PRDM1: variants seen among roughly 807,000 people sequenced by gnomAD.
The protein encoded by PRDM1 is PR/SET domain 1.
In PRDM1, 13 loss-of-function variants were observed where a neutral mutation model predicts 62.8. That is an observed-to-expected ratio of 0.21 (90% CI 0.13 to 0.33). PRDM1 has a LOEUF of 0.33. Among genes scored for constraint, PRDM1 ranks in the 10% least tolerant of loss-of-function variants. The probability of loss-of-function intolerance (pLI) is 1.00; values close to 1 mark genes in which losing one functional copy is unlikely to be tolerated. For synonymous variants in PRDM1, 396 were observed against 417.6 expected (o/e 0.95, Z 0.63); for missense variants, 895 against 1,058.8 (o/e 0.85, Z 2.15).
intron 1 of PRDM1, among the ~76,000 whole-genome samples, chr6:106,040,384 G>A (rs1310552230): frequency 1.3e-5 from 2 of 152,174 alleles, no homozygotes; most frequent in African/African-American, 4.8e-5. Flanking sequence ...TAGCACACAT[G>A]AATACGAGCA....
At chr6:106,023,270 A>G (rs987275019) in intron 1 of PRDM1, among the ~76,000 whole-genome samples, 2 of 152,016 alleles carry the variant, frequency 1.3e-5, no homozygotes, top group Non-Finnish European at 2.9e-5. Flanking sequence ...TTTTTCCTCT[A>G]CTATGGGGTA....
chr6:106,092,394 A>G (rs1773989891), intron 2 of PRDM1, among the ~76,000 whole-genome samples: 1 of 152,160 alleles, frequency 6.6e-6, no homozygotes, highest in Non-Finnish European at 1.5e-5. Context: ...TGAAGCAAGG[A>G]GGTATTGAAG....
At chr6:106,084,869 C>T (rs949037262), upstream of PRDM1, among the ~76,000 whole-genome samples, 12 of 152,134 alleles carry the variant, frequency 7.9e-5, no homozygotes, top group Non-Finnish European at 2.9e-5. Context: ...AGGTGGGCCA[C>T]GCAGCAAGCA....
intron 1 of PRDM1, among the ~76,000 whole-genome samples, chr6:106,042,987 A>C (rs1282426547): frequency 6.6e-6 from 1 of 152,138 alleles, no homozygotes; most frequent in African/African-American, 2.4e-5. Context: ...AGTAGCTGGG[A>C]TTATAGGCAT....
intron 1 of PRDM1, among the ~76,000 whole-genome samples, chr6:106,062,820 A>T (rs555152278): frequency 1.3e-5 from 2 of 152,058 alleles, no homozygotes; most frequent in Non-Finnish European, 2.9e-5. Context: ...TGCTGATAGG[A>T]GGGTTTGTTG....
rs183325547 is a variant in PRDM1, at chr6:106,065,430, T to C, written c.-67+16716T>C. ...GAGAGCATCCTATAATTTAGCTCTTTTATAGCGTCTCGTGTTGTTAATAAG... is the reference window on the plus strand; with the variant it reads ...GAGAGCATCCTATAATTTAGCTCTTCTATAGCGTCTCGTGTTGTTAATAAG... On this transcript the variant is annotated intron_variant, in intron 1 of 6. Transcript: ENST00000651185. Among the ~76,000 whole-genome samples, 10 of 152,324 alleles carry C rather than the reference T, an allele frequency of 6.6e-5. No individual in the cohort carries two copies. The East Asian group carries it at 1.9e-3, about 29-fold the overall frequency.
chr6:106,006,345 G>A (rs1000865321), intron 1 of PRDM1, among the ~76,000 whole-genome samples: 7 of 152,134 alleles, frequency 4.6e-5, no homozygotes, highest in African/African-American at 1.7e-4. Context: ...TAGTAAGGAG[G>A]AAAATATGTC....
upstream of PRDM1, chr6:106,045,309 T>C (rs368741096): frequency 2.9e-4 from 44 of 152,092 alleles, no homozygotes; most frequent in African/African-American, 1.0e-3. Context: ...AATTAAGGGT[T>C]GCAAGTCCAC....
Position 106,105,162 on chromosome 6 carries a change from T to C in PRDM1, c.1002T>C (p.Thr334=). 1 of 1,612,616 alleles carries C rather than the reference T, an allele frequency of 6.2e-7. No homozygotes were observed. ...GCTCCCCCATTCCATCCTCCACCAC[T>C]CCAAGCCCCTCTGCAAGAAGCAGCC... ...ITRSPIPSST[T]PSPSARSSPD... Residue 334 remains threonine, a synonymous_variant, in exon 5 of 7, where the codon ACT becomes ACC. Coordinates refer to ENST00000369096, the MANE Select transcript of PRDM1 (RefSeq NM_001198.4).
intron 1 of PRDM1, among the ~76,000 whole-genome samples, chr6:106,030,476 T>G (rs1772825838): frequency 1.3e-5 from 2 of 152,132 alleles, no homozygotes; most frequent in African/African-American, 4.8e-5. Context: ...CCCAGCCCAT[T>G]TTGCTTTCTT....
chr6:106,020,176 C>T (rs1278066569), intron 1 of PRDM1, among the ~76,000 whole-genome samples: 1 of 134,386 alleles, frequency 7.4e-6, no homozygotes, highest in Non-Finnish European at 1.6e-5. Context: ...GAACGAGACT[C>T]TGTCTCAAAA....
chr6:106,083,197 A>G (rs189915350), upstream of PRDM1, among the ~76,000 whole-genome samples: 14 of 37,786 alleles, frequency 3.7e-4, no homozygotes, highest in East Asian at 0.011. Context: ...ACTTACAGGA[A>G]GCGGGAAATG....
Position 106,086,601 on chromosome 6 carries a change from G to A in PRDM1, c.42+6G>A, listed in dbSNP as rs1363520904. 4 of 1,549,570 alleles carry A rather than the reference G, an allele frequency of 2.6e-6. No individual in the cohort carries two copies. Among genetic ancestry groups the A allele is most frequent in the African/African-American group, 1.4e-5 (1 of 73,020 alleles). ...AACGTGTGGGTACGACCTTGGTAAG[G>A]AACTTGAATTTTTTTTTTTTAATTC... is the stretch of plus-strand genomic sequence containing the variant. On this transcript the variant is annotated splice_donor_region_variant and intron_variant, in intron 1 of 6. Coordinates refer to ENST00000369096, the MANE Select transcript of PRDM1 (RefSeq NM_001198.4).
At chr6:106,041,137 A>G (rs1056792770) in intron 1 of PRDM1, among the ~76,000 whole-genome samples, 4 of 152,184 alleles carry the variant, frequency 2.6e-5, no homozygotes, top group African/African-American at 7.2e-5. Flanking sequence ...CTTGTGTTCA[A>G]TTCTGTTTGT....
At chr6:106,066,722 G>C (rs1249362982) in intron 1 of PRDM1, among the ~76,000 whole-genome samples, 1 of 152,082 alleles carries the variant, frequency 6.6e-6, no homozygotes, top group African/African-American at 2.4e-5. Context: ...TTAATATTTT[G>C]TGTATGTGTT....
chr6:106,098,271 T>C, intron 3 of PRDM1: 2 of 985,228 alleles, frequency 2.0e-6, no homozygotes, highest in Non-Finnish European at 2.4e-6. Context: ...TGGTACCTCC[T>C]AAAAAGAGGG....
At chr6:106,002,421 C>T (rs1001278818) in intron 1 of PRDM1, among the ~76,000 whole-genome samples, 1 of 152,036 alleles carries the variant, frequency 6.6e-6, no homozygotes, top group African/African-American at 2.4e-5. Context: ...TAAGGGATTT[C>T]ATAGTATGTT....
chr6:106,086,404 G>T lies in PRDM1; in HGVS notation c.-150G>T, dbSNP rs1218209699. 2 of 628,066 alleles carry T rather than the reference G, an allele frequency of 3.2e-6. No individual in the cohort carries two copies. Among genetic ancestry groups the T allele is most frequent in the Non-Finnish European group, 5.6e-6 (2 of 358,382 alleles). 38.9% of individuals were successfully genotyped at this position (628,066 alleles called of 1,614,324 possible). On this transcript the variant is annotated 5_prime_UTR_variant, in exon 1 of 7. Transcript: ENST00000369096. ...GCGGAGAGGCAAGAGCAGCGACCGCGGCACCTGTCCGCCCGGAGCTGGGAC... is the reference window on the plus strand; with the variant it reads ...GCGGAGAGGCAAGAGCAGCGACCGCTGCACCTGTCCGCCCGGAGCTGGGAC...
intron 2 of PRDM1, among the ~76,000 whole-genome samples, chr6:106,094,388 C>T (rs1312130721): frequency 6.6e-6 from 1 of 152,168 alleles, no homozygotes; most frequent in African/African-American, 2.4e-5. Context: ...AAGGACTACT[C>T]ACAGAGGAGT....
Sources: allele counts gnomAD v4.1 joint callset (sites outside exome capture counted in the v4.1 genomes callset), GRCh38; gene constraint gnomAD v4.1.1; transcripts MANE v1.5; gene names NCBI Gene and HGNC (gene_info 2026-07-23, HGNC 2026-07-21).